The following TRMT2B variants were observed in gnomAD, a reference collection of about 807,000 sequenced individuals.
TRMT2B encodes tRNA methyltransferase 2B.
In TRMT2B, 34 loss-of-function variants were observed where a neutral mutation model predicts 39.7. The observed-to-expected ratio is 0.86, with a 90% CI of 0.65 to 1.14. The LOEUF (loss-of-function observed/expected upper bound fraction) is 1.14, where lower values mean the gene tolerates loss of function less well. Ranked by LOEUF, TRMT2B falls within the 50% of genes most tolerant of loss-of-function variation. The pLI, the probability that TRMT2B is intolerant of heterozygous loss-of-function variation, is 0.00. For synonymous variants in TRMT2B, 132 were observed against 137.3 expected (o/e 0.96, Z 0.27); for missense variants, 318 against 377.2 (o/e 0.84, Z 1.30).
the TRMT2B span, chrX:100,973,713 C>T: frequency 8.3e-7 from 1 of 1,211,327 alleles, no homozygotes; most frequent in Non-Finnish European, 1.1e-6. Flanking sequence ...TGTCCTCCTG[C>T]TGCTCTTGCC....
intron 8 of TRMT2B, among the ~76,000 whole-genome samples, chrX:101,023,266 T>A (rs1250456797): frequency 8.9e-6 from 1 of 111,998 alleles, no homozygotes; most frequent in Non-Finnish European, 1.9e-5. Context: ...CTAGCCACAG[T>A]CTCTGTGGTT....
At chrX:101,043,336 T>C (rs1160945271) in intron 2 of TRMT2B, among the ~76,000 whole-genome samples, 7 of 107,536 alleles carry the variant, frequency 6.5e-5, no homozygotes, top group African/African-American at 1.0e-4. Flanking sequence ...CTTTGGGAGG[T>C]TGAGGCGGGC....
In TRMT2B at chrX:101,050,967, G is replaced by A. The variant is rs1186727712; in HGVS notation, c.-24+284C>T. 3.7e-5 allele frequency among the ~76,000 whole-genome samples: 4 copies of A among 109,126 alleles called. No individual in the cohort carries two copies. The Admixed American group carries it at 4.0e-4, about 11-fold the overall frequency. 94.8% of individuals were successfully genotyped at this position (109,126 alleles called of 115,157 possible). ...TGAGGCAGGAGAATCACTTGAACCC[G>A]GGAGGCGGAGGTTGCAGTGAGCCGA... On this transcript the variant is annotated intron_variant, in intron 2 of 13. Coordinates refer to ENST00000372936, the MANE Select transcript of TRMT2B (RefSeq NM_024917.6).
the TRMT2B span, among the ~76,000 whole-genome samples, chrX:100,975,548 T>C: frequency 9.0e-6 from 1 of 111,468 alleles, no homozygotes; most frequent in Admixed American, 9.6e-5. Flanking sequence ...CATTTTCAGG[T>C]AGGTATTCAA....
chrX:100,978,033 T>C, the TRMT2B span, among the ~76,000 whole-genome samples: 1 of 112,129 alleles, frequency 8.9e-6, no homozygotes, highest in African/African-American at 3.2e-5. Flanking sequence ...AGCAGGTGGA[T>C]TGCTGCATCA....
At chrX:101,017,189 T>C (rs2086572105) in intron 13 of TRMT2B, among the ~76,000 whole-genome samples, 1 of 111,456 alleles carries the variant, frequency 9.0e-6, no homozygotes, top group African/African-American at 3.3e-5. Context: ...AAAAAATTTC[T>C]TCCTATCTGT....
intron 9 of TRMT2B, 126 bp downstream of exon 9, chrX:101,021,842 A>G: frequency 1.9e-6 from 1 of 520,351 alleles, no homozygotes; most frequent in Admixed American, 2.9e-5. Flanking sequence ...TCCAAGACCC[A>G]GCTGGTGTAC....
At chrX:101,046,969 C>T (rs902134774) in intron 2 of TRMT2B, among the ~76,000 whole-genome samples, 4 of 111,276 alleles carry the variant, frequency 3.6e-5, no homozygotes, top group Non-Finnish European at 7.5e-5. Flanking sequence ...GTGTGGCTCA[C>T]GCCTATAATC....
chrX:100,980,669 G>A, the TRMT2B span, among the ~76,000 whole-genome samples: 3 of 111,746 alleles, frequency 2.7e-5, no homozygotes, highest in Non-Finnish European at 3.8e-5. Flanking sequence ...CTCTCCTGAT[G>A]GCCACCACTG....
chrX:100,975,802 T>C, the TRMT2B span, among the ~76,000 whole-genome samples: 1 of 109,851 alleles, frequency 9.1e-6, no homozygotes, highest in African/African-American at 3.3e-5. Context: ...CTGGCTGATT[T>C]TTTTGGATTT....
At chrX:100,992,916 T>C in the TRMT2B span, among the ~76,000 whole-genome samples, 16 of 111,802 alleles carry the variant, frequency 1.4e-4, no homozygotes, top group Non-Finnish European at 3.0e-4. Flanking sequence ...CCAAGCAGTA[T>C]AAATGAACTA....
chrX:100,982,389 GGCTGAGGTAGGAGAATT>G, the TRMT2B span, among the ~76,000 whole-genome samples: 1 of 110,807 alleles, frequency 9.0e-6, no homozygotes, highest in Non-Finnish European at 1.9e-5. Context: ...CTACGCAGCA[GGCTGAGGTAGGAGAATT>G]GCTTGAACTC....
In TRMT2B at chrX:101,021,392, G is replaced by A. The variant is rs774178391; in HGVS notation, c.852-77C>T. ...GCCTGTAATCCCAGCACTTTGGGAG[G>A]CCGAGGCGGGCAGATCACCTAAGGT... On this transcript the variant is annotated intron_variant, in intron 9 of 13. Coordinates refer to ENST00000372936, the MANE Select transcript of TRMT2B (RefSeq NM_024917.6). 62 of 896,077 alleles carry A rather than the reference G, an allele frequency of 6.9e-5. No homozygotes were observed. The Middle Eastern group carries it at 9.3e-4, about 13-fold the overall frequency. The allele number at this position is 896,077 out of a possible 1,213,427, so 73.8% of individuals were successfully genotyped here. A position where few individuals can be genotyped will look rare whatever the true frequency, so the allele number is the denominator to read the frequency against.
At chrX:101,025,721 G>A (rs777271220) in intron 7 of TRMT2B, among the ~76,000 whole-genome samples, 7 of 111,533 alleles carry the variant, frequency 6.3e-5, no homozygotes, top group Non-Finnish European at 1.1e-4. Flanking sequence ...CACTTTGAGA[G>A]GCCGAGGTGG....
Position 101,009,457 on chromosome X carries a change from C to T in TRMT2B, c.*1124G>A, listed in dbSNP as rs1466216077. 4 of 110,024 alleles carry T rather than the reference C, an allele frequency of 3.6e-5. No homozygotes were observed. 9.1% of individuals were successfully genotyped at this position (110,024 alleles called of 1,213,427 possible). A position where few individuals can be genotyped will look rare whatever the true frequency, so the allele number is the denominator to read the frequency against. ...TTCAGTCTCTCTGAAAATCTCCTTT[C>T]CCTTAGGGTCTCTCCAATAACCAAT... is the stretch of plus-strand genomic sequence containing the variant. On this transcript the variant is annotated 3_prime_UTR_variant, in exon 14 of 14. Transcript: ENST00000372936.
chrX:101,050,617 G>A (rs2089008344), intron 2 of TRMT2B, among the ~76,000 whole-genome samples: 1 of 111,280 alleles, frequency 9.0e-6, no homozygotes. Context: ...CCAGCTACTC[G>A]GGAGGCTGAG....
chrX:101,039,925 A>G (rs1027472500), intron 4 of TRMT2B, among the ~76,000 whole-genome samples: 5 of 109,617 alleles, frequency 4.6e-5, no homozygotes, highest in Admixed American at 9.9e-5. Flanking sequence ...GAAAAGAAAC[A>G]TGAATACTAC....
At chrX:101,016,892 G>A (rs911257500) in intron 13 of TRMT2B, among the ~76,000 whole-genome samples, 1 of 110,759 alleles carries the variant, frequency 9.0e-6, no homozygotes, top group Admixed American at 9.7e-5. Flanking sequence ...TCTTCCTATC[G>A]GGCCGGGTAC....
intron 9 of TRMT2B, 93 bp downstream of exon 9, chrX:101,021,873 CAA>C (rs1214810557): frequency 7.8e-6 from 5 of 645,109 alleles, no homozygotes; most frequent in African/African-American, 6.5e-5. Flanking sequence ...ACCATTTAGC[CAA>C]TATCCTCCAC....
Sources: gnomAD v4.1 joint callset for allele counts (sites outside exome capture counted in the v4.1 genomes callset) on GRCh38, gnomAD v4.1.1 for gene constraint, MANE v1.5 for transcripts, NCBI Gene and HGNC (gene_info 2026-07-23, HGNC 2026-07-21) for gene names.